TLL2: variants seen among roughly 807,000 people sequenced by gnomAD.
The protein encoded by TLL2 is tolloid like 2, also known as tolloid-like protein 2.
Under a neutral mutation model 123.0 loss-of-function variants are expected in TLL2, and 106 were observed. The ratio of observed to expected loss-of-function variants is 0.86; its 90% CI spans 0.74 to 1.01. The LOEUF (loss-of-function observed/expected upper bound fraction) is 1.01. TLL2 is among the 50% of genes least tolerant of loss of function. TLL2 has a pLI of 0.00. For synonymous variants in TLL2, 494 were observed against 516.8 expected (o/e 0.96, Z 0.60); for missense variants, 1,332 against 1,336.7 (o/e 1.00, Z 0.06).
At chr10:96,459,610 CA>C (rs1847052986) in intron 2 of TLL2, among the ~76,000 whole-genome samples, 1 of 129,706 alleles carries the variant, frequency 7.7e-6, no homozygotes, top group South Asian at 2.7e-4. Flanking sequence ...GCGGAGGTTG[CA>C]GTCAACCAAA....
At chr10:96,453,225 G>A (rs1316543341) in intron 2 of TLL2, among the ~76,000 whole-genome samples, 4 of 152,158 alleles carry the variant, frequency 2.6e-5, no homozygotes, top group South Asian at 2.1e-4. Flanking sequence ...GGAGGCAGAG[G>A]CGGGCGGATC....
chr10:96,470,976 T>G (rs758742676), intron 2 of TLL2, among the ~76,000 whole-genome samples: 12 of 152,070 alleles, frequency 7.9e-5, no homozygotes, highest in Admixed American at 1.3e-4. Context: ...GACCCCAGAG[T>G]GTGGCTCAGG....
At chr10:96,391,441 T>G (rs1846287208) in intron 13 of TLL2, among the ~76,000 whole-genome samples, 2 of 152,190 alleles carry the variant, frequency 1.3e-5, no homozygotes, top group African/African-American at 4.8e-5. Flanking sequence ...GGTAGAAAGG[T>G]GACCAGTGTC....
At chr10:96,496,091 C>T (rs941874342) in intron 1 of TLL2, among the ~76,000 whole-genome samples, 8 of 152,150 alleles carry the variant, frequency 5.3e-5, no homozygotes, top group Non-Finnish European at 1.2e-4. Context: ...GAAGCCATGT[C>T]TGGGACTCCC....
chr10:96,493,259 G>A (rs976436023), intron 1 of TLL2, among the ~76,000 whole-genome samples: 6 of 152,188 alleles, frequency 3.9e-5, no homozygotes, highest in Admixed American at 3.9e-4. Context: ...TGCGTCTTTG[G>A]CTCCCTTTGT....
chr10:96,477,794 C>A (rs1047636087), intron 2 of TLL2, among the ~76,000 whole-genome samples: 19 of 152,178 alleles, frequency 1.2e-4, no homozygotes, highest in African/African-American at 4.6e-4. Context: ...CTCTCACCAC[C>A]CTTCTGGGAG....
rs764896357 is a variant in TLL2 at position 96,370,241 on chromosome 10, AGTT to A, written c.2734_2736del (p.Asn912del). 5 of 1,613,368 alleles carry A rather than the reference AGTT, an allele frequency of 3.1e-6. No individual in the cohort carries two copies. The highest frequency in any genetic ancestry group is 2.2e-5 in the East Asian group (1 of 44,880). On this transcript the variant is annotated inframe_deletion, in exon 20 of 21. Coordinates refer to ENST00000357947, the MANE Select transcript of TLL2 (RefSeq NM_012465.4). The stretch of plus-strand genomic sequence containing the variant: ...CAGTCACAGCGGGCCTCGCTCGGGT[AGTT>A]GTTGTCCCCAAACTGGGCGTGGGAA...
chr10:96,368,418 C>T lies in TLL2; in HGVS notation c.2914-196G>A, dbSNP rs113429954. On this transcript the variant is annotated intron_variant, in intron 20 of 20. Transcript: ENST00000357947. ...TCCAGGGAGCTTTGCAGGCCCTGCT[C>T]TTCCAAAGATGATCCTAGGTGCATA... Among the ~76,000 whole-genome samples the T allele has an allele frequency of 2.5e-3, 384 of 152,330 alleles. 2 individuals carry two copies. Among genetic ancestry groups the T allele is most frequent in the African/African-American group, 8.8e-3 (365 of 41,574 alleles).
In TLL2 at chr10:96,513,698, C is replaced by T. The variant is rs1220127107; in HGVS notation, c.-13G>A. On this transcript the variant is annotated 5_prime_UTR_variant, in exon 1 of 21. Coordinates refer to ENST00000357947, the MANE Select transcript of TLL2 (RefSeq NM_012465.4). Reference sequence around the variant, plus strand: ...TCGCCCGGGGCATGGTGGCGCGGGGCCGGCTGGGGCAGAGGGAGTTGCGTG... The same window carrying T: ...TCGCCCGGGGCATGGTGGCGCGGGGTCGGCTGGGGCAGAGGGAGTTGCGTG... 7.3e-6 allele frequency: 11 copies of T among 1,501,730 alleles called. No individual in the cohort carries two copies. Among genetic ancestry groups the T allele is most frequent in the Non-Finnish European group, 8.0e-6 (9 of 1,130,096 alleles). 93.0% of individuals were successfully genotyped at this position (1,501,730 alleles called of 1,614,324 possible).
At chr10:96,509,674 A>G (rs117022019) in intron 1 of TLL2, among the ~76,000 whole-genome samples, 15,201 of 152,320 alleles carry the variant, frequency 0.1, 1,006 homozygotes, top group Non-Finnish European at 0.15. Context: ...TTGGCCGGGC[A>G]CGGTGGCTCA....
intron 20 of TLL2, 107 bp downstream of exon 20, chr10:96,369,958 C>T (rs1846062619): frequency 2.8e-6 from 4 of 1,447,510 alleles, no homozygotes; most frequent in Non-Finnish European, 2.7e-6. Context: ...CGCCGTTGCT[C>T]CTAAGTGGAG....
chr10:96,436,408 T>C (rs189732439), intron 3 of TLL2, among the ~76,000 whole-genome samples: 1 of 152,364 alleles, frequency 6.6e-6, no homozygotes, highest in East Asian at 1.9e-4. Flanking sequence ...GTTTCATATG[T>C]TGTTCAAATA....
intron 1 of TLL2, 32 bp from the exon 2 acceptor site, chr10:96,480,491 A>G: frequency 6.4e-7 from 1 of 1,556,894 alleles, no homozygotes; most frequent in African/African-American, 1.4e-5. Flanking sequence ...GGGTGAATTT[A>G]TGCTAGAAGT....
chr10:96,439,830 C>G (rs773668485), intron 3 of TLL2, among the ~76,000 whole-genome samples: 2 of 152,134 alleles, frequency 1.3e-5, no homozygotes, highest in Non-Finnish European at 2.9e-5. Context: ...AAACCCAACC[C>G]GCAGATGTGT....
At chr10:96,461,684 C>T (rs1311489550) in intron 2 of TLL2, among the ~76,000 whole-genome samples, 1 of 152,244 alleles carries the variant, frequency 6.6e-6, no homozygotes, top group Non-Finnish European at 1.5e-5. Context: ...TCAAGGCCCA[C>T]CTCAATCTCT....
rs148446230 is a variant in TLL2 at position 96,384,596 on chromosome 10, A to C, written c.2185T>G (p.Phe729Val). 8 of 1,592,838 alleles carry C rather than the reference A, an allele frequency of 5.0e-6. No individual in the cohort carries two copies. In the African/African-American group the frequency reaches 1.1e-4, roughly 21 times the overall value. ...CTCTGAACCCGCATACCTGAGAAGA[A>C]GTGGGCCCTGAAGCCGCGCTTGGAG... ...TVSKRGFRAH[F>V]FSDKDECAKD... Residue 729 changes from phenylalanine to valine, a missense_variant, in exon 16 of 21, where the codon TTC (phenylalanine) becomes GTC (valine). Physicochemically the swap from Phe to Val is conservative, Grantham distance 50. Coordinates refer to ENST00000357947, the MANE Select transcript of TLL2 (RefSeq NM_012465.4).
At chr10:96,421,427 G>A (rs1389942949) in intron 6 of TLL2, among the ~76,000 whole-genome samples, 1 of 152,240 alleles carries the variant, frequency 6.6e-6, no homozygotes, top group Non-Finnish European at 1.5e-5. Flanking sequence ...ACTTTGGGAG[G>A]CCAAGGCGGG....
At chr10:96,395,594 T>C (rs761941196) in intron 12 of TLL2, among the ~76,000 whole-genome samples, 1 of 152,132 alleles carries the variant, frequency 6.6e-6, no homozygotes, top group Non-Finnish European at 1.5e-5. Context: ...AGAGGATAAA[T>C]AGAGAAGAAC....
At chr10:96,433,174 G>T (rs1846762527) in intron 3 of TLL2, among the ~76,000 whole-genome samples, 1 of 152,124 alleles carries the variant, frequency 6.6e-6, no homozygotes, top group Non-Finnish European at 1.5e-5. Flanking sequence ...TGATGGGAGT[G>T]GGTTTGGCTT....
Sources: allele counts gnomAD v4.1 joint callset (sites outside exome capture counted in the v4.1 genomes callset), GRCh38; gene constraint gnomAD v4.1.1; transcripts MANE v1.5; gene names NCBI Gene and HGNC (gene_info 2026-07-23, HGNC 2026-07-21).